The following B3GALT6 variants were observed in gnomAD, a reference collection of about 807,000 sequenced individuals.
B3GALT6 encodes the protein GAG GalTII.
In B3GALT6, 27 loss-of-function variants were observed where a neutral mutation model predicts 23.3. The observed-to-expected ratio is 1.16, with a 90% confidence interval of 0.85 to 1.60. B3GALT6 has a LOEUF of 1.60. B3GALT6 is among the 40% of genes most tolerant of loss of function. The pLI is 0.00. For missense variants in B3GALT6, 554 were observed against 471.1 expected (o/e 1.18, Z -1.63); for synonymous variants, 313 against 232.3 (o/e 1.35, Z -3.16).
In B3GALT6 at chr1:1,232,647, C is replaced by T. The variant is rs1557526174; in HGVS notation, c.369C>T (p.Pro123=). 12 of 1,297,758 alleles carry T rather than the reference C, an allele frequency of 9.2e-6. No homozygotes were observed. The highest frequency in any genetic ancestry group is 1.2e-5 in the Non-Finnish European group (12 of 1,019,320). 80.4% of individuals were successfully genotyped at this position (1,297,758 alleles called of 1,614,324 possible). The stretch of plus-strand genomic sequence containing the variant: ...GGCACGGGGACCTGCTGCTGCTGCC[C>T]GCGCTGCGCGACGCCTACGAAAACC... The part of the protein sequence containing the change: ...QARHGDLLLL[P]ALRDAYENLT... The change falls in exon 1 of 1, where the codon CCC becomes CCT. Residue 123 remains proline (P), a synonymous_variant. Transcript: ENST00000379198.
rs927530328 is a variant in B3GALT6 at position 1,233,289 on chromosome 1, C to G, written c.*21C>G. ...CCTGAGCCGCCGCGGCCCGGCCCTC[C>G]GGGACACCTGCTTCACCCGGCGGCG... On this transcript the variant is annotated 3_prime_UTR_variant, in exon 1 of 1. Transcript: ENST00000379198. The G allele has an allele frequency of 4.9e-6, 7 of 1,417,974 alleles. No individual in the cohort carries two copies. The highest frequency in any genetic ancestry group is 6.4e-6 in the Non-Finnish European group (7 of 1,092,054). The allele number at this position is 1,417,974 out of a possible 1,614,324, so 87.8% of individuals were successfully genotyped here. A position where few individuals can be genotyped will look rare whatever the true frequency, so the allele number is the denominator to read the frequency against.
chr1:1,233,001 G>C lies in B3GALT6; in HGVS notation c.723G>C (p.Glu241Asp). Reference sequence around the variant, plus strand: ...ACTACCTGCGCGCCTGGCACAGCGAGGACGTGTCTCTGGGCGCCTGGCTGG... The same window carrying C: ...ACTACCTGCGCGCCTGGCACAGCGACGACGTGTCTCTGGGCGCCTGGCTGG... ...SRDYLRAWHS[E>D]DVSLGAWLAP... Residue 241 changes from glutamate (E) to aspartate (D), a missense_variant, in exon 1 of 1, where the codon GAG becomes GAC. Physicochemically the swap from Glu to Asp is conservative, Grantham distance 45. Transcript: ENST00000379198. 1 of 1,561,274 alleles carries C rather than the reference G, an allele frequency of 6.4e-7. No individual in the cohort carries two copies.
At position 1,233,094 on chromosome 1, in the gene B3GALT6, C is replaced by G. The variant is rs1056092134; in HGVS notation, c.816C>G (p.Ser272Arg). ...CCGAATACCGGTCCCGCGGCTGCAG[C>G]AACCAGTACCTGGTGACGCACAAGC... ...FDTEYRSRGC[S>R]NQYLVTHKQS... Residue 272 changes from serine (S) to arginine (R), a missense_variant, in exon 1 of 1, where the codon AGC becomes AGG. Transcript: ENST00000379198. 4.9e-5 allele frequency: 77 copies of G among 1,561,966 alleles called. No homozygotes were observed. The highest frequency in any genetic ancestry group is 6.3e-5 in the Non-Finnish European group (73 of 1,158,246).
chr1:1,232,894 T>C lies in B3GALT6; in HGVS notation c.616T>C (p.Cys206Arg). 1 of 1,557,602 alleles carries C rather than the reference T, an allele frequency of 6.4e-7. No individual in the cohort carries two copies. The highest frequency in any genetic ancestry group is 8.6e-7 in the Non-Finnish European group (1 of 1,164,108). Reference sequence around the variant, plus strand: ...CTGGCGCGAGGCCGCCTGGCAACTCTGCGACTACTACCTGCCCTACGCGCT... The same window carrying C: ...CTGGCGCGAGGCCGCCTGGCAACTCCGCGACTACTACCTGCCCTACGCGCT... ...GRWREAAWQL[C>R]DYYLPYALGG... is the part of the protein sequence containing the mutation. Residue 206 changes from cysteine (C) to arginine (R), a missense_variant, in exon 1 of 1, where the codon TGC becomes CGC. Cys to Arg is a radical substitution (Grantham distance 180, BLOSUM62 -3). Coordinates refer to ENST00000379198, the MANE Select transcript of B3GALT6 (RefSeq NM_080605.4).
Position 1,233,527 on chromosome 1 carries a change from AC to A in B3GALT6, c.*261del. On this transcript the variant is annotated 3_prime_UTR_variant, in exon 1 of 1. Coordinates refer to ENST00000379198, the MANE Select transcript of B3GALT6 (RefSeq NM_080605.4). ...CACGCTGACCCCCGTGCTGTCCCCGACCGGCTCACGGGGCTGGGCTCCGATC... is the reference window on the plus strand; with the variant it reads ...CACGCTGACCCCCGTGCTGTCCCCGACGGCTCACGGGGCTGGGCTCCGATC... 2.5e-6 allele frequency: 1 copy of A among 395,862 alleles called. No homozygotes were observed. Among genetic ancestry groups the A allele is most frequent in the East Asian group, 4.2e-5 (1 of 23,538 alleles). 24.5% of individuals were successfully genotyped at this position (395,862 alleles called of 1,614,324 possible).
In B3GALT6 at chr1:1,233,420, TG is replaced by T; in HGVS notation, c.*157del. ...TCCCGGTCTGCGTTTGGGAGACCCC[TG>T]GGGGTTGCCGGGGCAGCGCGCCGTG... On this transcript the variant is annotated 3_prime_UTR_variant, in exon 1 of 1. Transcript: ENST00000379198. 1.9e-6 allele frequency: 2 copies of T among 1,073,414 alleles called. No individual in the cohort carries two copies. 66.5% of individuals were successfully genotyped at this position (1,073,414 alleles called of 1,614,324 possible).
At position 1,233,525 on chromosome 1, in the gene B3GALT6, C is replaced by T. The variant is rs1557527456; in HGVS notation, c.*257C>T. The stretch of plus-strand genomic sequence containing the variant: ...CGCACGCTGACCCCCGTGCTGTCCC[C>T]GACCGGCTCACGGGGCTGGGCTCCG... On this transcript the variant is annotated 3_prime_UTR_variant, in exon 1 of 1. Transcript: ENST00000379198. The T allele has an allele frequency of 5.0e-6, 2 of 400,266 alleles. No homozygotes were observed. Among genetic ancestry groups the T allele is most frequent in the Admixed American group, 4.7e-5 (1 of 21,478 alleles). 24.8% of individuals were successfully genotyped at this position (400,266 alleles called of 1,614,324 possible).
In B3GALT6 at chr1:1,233,026, G is replaced by T. The variant is rs1316059175; in HGVS notation, c.748G>T (p.Ala250Ser). Residue 250 changes from alanine (A) to serine (S), a missense_variant, in exon 1 of 1, where the codon GCG (alanine) becomes TCG (serine). Physicochemically the swap from Ala to Ser is moderately conservative, Grantham distance 99. Transcript: ENST00000379198. ...SEDVSLGAWL[A>S]PVDVQREHDP... ...GGACGTGTCTCTGGGCGCCTGGCTG[G>T]CGCCGGTGGACGTCCAGCGGGAGCA... is the stretch of plus-strand genomic sequence containing the variant. The T allele has an allele frequency of 1.9e-6, 3 of 1,553,124 alleles. No individual in the cohort carries two copies. Among genetic ancestry groups the T allele is most frequent in the Non-Finnish European group, 8.7e-7 (1 of 1,155,056 alleles).
Position 1,232,471 on chromosome 1 carries a change from A to G in B3GALT6, c.193A>G (p.Ser65Gly), listed in dbSNP as rs397514719. Residue 65 changes from serine (S) to glycine (G), a missense_variant, in exon 1 of 1, where the codon AGC becomes GGC. Transcript: ENST00000379198. ...CGCCTTCCTGGCAGTGCTGGTGGCC[A>G]GCGCGCCCCGCGCCGCCGAGCGCCG... ...AAAFLAVLVA[S>G]APRAAERRSV... The G allele has an allele frequency of 3.0e-6, 3 of 1,011,300 alleles. No homozygotes were observed. Among genetic ancestry groups the G allele is most frequent in the Non-Finnish European group, 3.5e-6 (3 of 849,572 alleles). 62.6% of individuals were successfully genotyped at this position (1,011,300 alleles called of 1,614,324 possible).
rs1220029631 is a variant in B3GALT6, at chr1:1,233,557, C to T, written c.*289C>T. ...CTCACGGGGCTGGGCTCCGATCTTCCGTGTCTCTTATCAGTGGCGTTTCTC... is the reference window on the plus strand; with the variant it reads ...CTCACGGGGCTGGGCTCCGATCTTCTGTGTCTCTTATCAGTGGCGTTTCTC... On this transcript the variant is annotated 3_prime_UTR_variant, in exon 1 of 1. Transcript: ENST00000379198. 2 of 353,720 alleles carry T rather than the reference C, an allele frequency of 5.7e-6. No homozygotes were observed. The highest frequency in any genetic ancestry group is 9.3e-5 in the East Asian group (2 of 21,412). 21.9% of individuals were successfully genotyped at this position (353,720 alleles called of 1,614,324 possible). A position where few individuals can be genotyped will look rare whatever the true frequency, so the allele number is the denominator to read the frequency against.
chr1:1,232,462 C>G lies in B3GALT6; in HGVS notation c.184C>G (p.Leu62Val). 1 of 1,006,650 alleles carries G rather than the reference C, an allele frequency of 9.9e-7. No homozygotes were observed. The highest frequency in any genetic ancestry group is 1.2e-6 in the Non-Finnish European group (1 of 846,108). 62.4% of individuals were successfully genotyped at this position (1,006,650 alleles called of 1,614,324 possible). A position where few individuals can be genotyped will look rare whatever the true frequency, so the allele number is the denominator to read the frequency against. The change falls in exon 1 of 1, where the codon CTG (leucine) becomes GTG (valine). Residue 62 changes from leucine (L) to valine (V), a missense_variant. By Grantham distance (32) the Leu-to-Val change is conservative (BLOSUM62 1). Coordinates refer to ENST00000379198, the MANE Select transcript of B3GALT6 (RefSeq NM_080605.4). ...GCGCGCCGCCGCCTTCCTGGCAGTGCTGGTGGCCAGCGCGCCCCGCGCCGC... is the reference window on the plus strand; with the variant it reads ...GCGCGCCGCCGCCTTCCTGGCAGTGGTGGTGGCCAGCGCGCCCCGCGCCGC... ...PARAAAFLAV[L>V]VASAPRAAER...
chr1:1,233,354 C>T lies in B3GALT6; in HGVS notation c.*86C>T. ...CCGAGCGGGCGCACTACGCCCGGGC[C>T]CCAAGGCCCCCGTCCCGCAGCCACG... On this transcript the variant is annotated 3_prime_UTR_variant, in exon 1 of 1. Transcript: ENST00000379198. 7.4e-7 allele frequency: 1 copy of T among 1,354,022 alleles called. No individual in the cohort carries two copies. The highest frequency in any genetic ancestry group is 9.5e-7 in the Non-Finnish European group (1 of 1,052,150). 83.9% of individuals were successfully genotyped at this position (1,354,022 alleles called of 1,614,324 possible).
At position 1,234,300 on chromosome 1, in the gene B3GALT6, CAGGCTCGGGGCAGGGCTGGGTT is replaced by C. The variant is rs1412954034; in HGVS notation, c.*1039_*1060del. 6.0e-6 allele frequency: 1 copy of C among 166,946 alleles called. No homozygotes were observed. Among genetic ancestry groups the C allele is most frequent in the Non-Finnish European group, 1.5e-5 (1 of 68,230 alleles). 10.3% of individuals were successfully genotyped at this position (166,946 alleles called of 1,614,324 possible). On this transcript the variant is annotated 3_prime_UTR_variant, in exon 1 of 1. Transcript: ENST00000379198. ...GGGGTCTAGTCTCGAGCATCAGGGT[CAGGCTCGGGGCAGGGCTGGGTT>C]AGGCTCCGGGTCAGTCTTGCCATGG...
Position 1,233,347 on chromosome 1 carries a change from C to A in B3GALT6, c.*79C>A. Reference sequence around the variant, plus strand: ...GCAGGTGCCGAGCGGGCGCACTACGCCCGGGCCCCAAGGCCCCCGTCCCGC... The same window carrying A: ...GCAGGTGCCGAGCGGGCGCACTACGACCGGGCCCCAAGGCCCCCGTCCCGC... On this transcript the variant is annotated 3_prime_UTR_variant, in exon 1 of 1. Coordinates refer to ENST00000379198, the MANE Select transcript of B3GALT6 (RefSeq NM_080605.4). The A allele has an allele frequency of 1.5e-6, 2 of 1,371,130 alleles. No homozygotes were observed. Among genetic ancestry groups the A allele is most frequent in the Non-Finnish European group, 1.9e-6 (2 of 1,066,790 alleles). The allele number at this position is 1,371,130 out of a possible 1,614,324, so 84.9% of individuals were successfully genotyped here.
In B3GALT6 at chr1:1,232,630, G is replaced by C; in HGVS notation, c.352G>C (p.Asp118His). 7.9e-7 allele frequency: 1 copy of C among 1,269,368 alleles called. No homozygotes were observed. Among genetic ancestry groups the C allele is most frequent in the South Asian group, 3.0e-5 (1 of 33,382 alleles). 78.6% of individuals were successfully genotyped at this position (1,269,368 alleles called of 1,614,324 possible). A position where few individuals can be genotyped will look rare whatever the true frequency, so the allele number is the denominator to read the frequency against. The part of the protein sequence containing the change: ...ALEREQARHG[D>H]LLLLPALRDA... ...GGAGCGGGAGCAGGCGCGGCACGGG[G>C]ACCTGCTGCTGCTGCCCGCGCTGCG... Residue 118 changes from aspartate to histidine, a missense_variant, in exon 1 of 1, where the codon GAC becomes CAC. Physicochemically the swap from Asp to His is moderately conservative, Grantham distance 81 (BLOSUM62 -1). Transcript: ENST00000379198.
chr1:1,233,372 C>T lies in B3GALT6; in HGVS notation c.*104C>T, dbSNP rs1162883227. ...CCCGGGCCCCAAGGCCCCCGTCCCG[C>T]AGCCACGCTTGTGGTCGCTGCGTCC... is the stretch of plus-strand genomic sequence containing the variant. On this transcript the variant is annotated 3_prime_UTR_variant, in exon 1 of 1. Transcript: ENST00000379198. The T allele has an allele frequency of 1.5e-6, 2 of 1,320,684 alleles. No individual in the cohort carries two copies. Among genetic ancestry groups the T allele is most frequent in the East Asian group, 3.1e-5 (1 of 31,934 alleles). The allele number at this position is 1,320,684 out of a possible 1,614,324, so 81.8% of individuals were successfully genotyped here. A position where few individuals can be genotyped will look rare whatever the true frequency, so the allele number is the denominator to read the frequency against.
rs148754856 is a variant in B3GALT6, at chr1:1,233,463, C to T, written c.*195C>T. 8,507 of 685,160 alleles carry T rather than the reference C, an allele frequency of 0.012. 85 individuals are homozygous for T. Among genetic ancestry groups the T allele is most frequent in the South Asian group, 0.03 (849 of 28,294 alleles). 42.4% of individuals were successfully genotyped at this position (685,160 alleles called of 1,614,324 possible). A position where few individuals can be genotyped will look rare whatever the true frequency, so the allele number is the denominator to read the frequency against. ...CGCGCCGTGTCCAGGTGGAGGTGCC[C>T]GTTCCTGGACCTCAGCGAGCCTGAG... On this transcript the variant is annotated 3_prime_UTR_variant, in exon 1 of 1. Coordinates refer to ENST00000379198, the MANE Select transcript of B3GALT6 (RefSeq NM_080605.4).
chr1:1,232,769 A>G lies in B3GALT6; in HGVS notation c.491A>G (p.Asp164Gly). The part of the protein sequence containing the change: ...KADDDSFARL[D>G]ALLAELRARE... ...GACGACGACTCCTTCGCGCGGCTGG[A>G]CGCGCTGCTGGCCGAGCTGCGCGCC... Residue 164 changes from aspartate to glycine, a missense_variant, in exon 1 of 1, where the codon GAC becomes GGC. Transcript: ENST00000379198. 1 of 1,398,928 alleles carries G rather than the reference A, an allele frequency of 7.1e-7. No individual in the cohort carries two copies. The highest frequency in any genetic ancestry group is 1.6e-5 in the South Asian group (1 of 63,744). The allele number at this position is 1,398,928 out of a possible 1,614,324, so 86.7% of individuals were successfully genotyped here.
Position 1,233,342 on chromosome 1 carries a change from C to G in B3GALT6, c.*74C>G. The G allele has an allele frequency of 7.3e-7, 1 of 1,376,256 alleles. No individual in the cohort carries two copies. The highest frequency in any genetic ancestry group is 9.3e-7 in the Non-Finnish European group (1 of 1,069,804). The allele number at this position is 1,376,256 out of a possible 1,614,324, so 85.3% of individuals were successfully genotyped here. A position where few individuals can be genotyped will look rare whatever the true frequency, so the allele number is the denominator to read the frequency against. On this transcript the variant is annotated 3_prime_UTR_variant, in exon 1 of 1. Coordinates refer to ENST00000379198, the MANE Select transcript of B3GALT6 (RefSeq NM_080605.4). ...TTGGGGCAGGTGCCGAGCGGGCGCA[C>G]TACGCCCGGGCCCCAAGGCCCCCGT...
Sources: allele counts gnomAD v4.1 joint callset, GRCh38; gene constraint gnomAD v4.1.1; transcripts MANE v1.5; gene names NCBI Gene and HGNC (gene_info 2026-07-23, HGNC 2026-07-21).